The following MACF1 variants were observed in gnomAD, a reference collection of about 807,000 sequenced individuals.
MACF1 encodes microtubule-actin cross-linking factor 1.
A neutral mutation model predicts 854.8 loss-of-function variants in MACF1; 193 were observed. The ratio of observed to expected loss-of-function variants is 0.23; its 90% CI spans 0.20 to 0.25. The LOEUF (loss-of-function observed/expected upper bound fraction) is 0.25. Ranked by LOEUF, MACF1 falls within the 10% of genes least tolerant of loss-of-function variation. The pLI, the probability that MACF1 is intolerant of heterozygous loss-of-function variation, is 1.00. For missense variants in MACF1, 7,722 were observed against 8,929.1 expected (o/e 0.86, Z 5.45); for synonymous variants, 3,185 against 3,226.7 (o/e 0.99, Z 0.44).
intron 2 of MACF1, among the ~76,000 whole-genome samples, chr1:39,185,306 CAA>C (rs1644153838): frequency 1.5e-5 from 2 of 136,630 alleles, no homozygotes; most frequent in African/African-American, 5.6e-5. Context: ...AAAAAAAAAA[CAA>C]AAAAGGAAAA....
chr1:39,334,109 C>T lies in MACF1; in HGVS notation c.7521C>T (p.Ile2507=). The T allele has an allele frequency of 1.2e-6, 2 of 1,614,126 alleles. No homozygotes were observed. The highest frequency in any genetic ancestry group is 1.1e-5 in the South Asian group (1 of 91,074). Residue 2507 remains isoleucine (I), a synonymous_variant, in exon 37 of 101, where the codon ATC becomes ATT. Coordinates refer to ENST00000564288, the MANE Select transcript of MACF1 (RefSeq NM_001394062.1). ...CTAAGCAAGTGGTAGATGGAGGTAT[C>T]ATTCACCATATATCTGGGATGAGAC... ...LLTKQVVDGG[I]IHHISGMRLS... is the part of the protein sequence containing the mutation.
Position 39,335,447 on chromosome 1 carries a change from G to A in MACF1, c.8859G>A (p.Thr2953=), listed in dbSNP as rs774952232. The A allele has an allele frequency of 1.3e-5, 21 of 1,614,066 alleles. No homozygotes were observed. The African/African-American group carries it at 1.5e-4, about 11-fold the overall frequency. Residue 2953 remains threonine, a synonymous_variant, in exon 37 of 101, where the codon ACG becomes ACA. Coordinates refer to ENST00000564288, the MANE Select transcript of MACF1 (RefSeq NM_001394062.1). The part of the protein sequence containing the change: ...ILEVQETYCE[T]SGKLPSEQVL... ...AAGTACAAGAAACATATTGTGAAAC[G>A]TCAGGCAAATTGCCGAGTGAGCAGG...
chr1:39,403,490 C>T (rs1374831974), intron 58 of MACF1, among the ~76,000 whole-genome samples: 1 of 152,076 alleles, frequency 6.6e-6, no homozygotes, highest in Admixed American at 6.5e-5. Context: ...ATTTCACATA[C>T]AGAATGCTCT....
At chr1:39,149,739 A>G (rs979903928) in intron 2 of MACF1, among the ~76,000 whole-genome samples, 4 of 151,470 alleles carry the variant, frequency 2.6e-5, no homozygotes, top group African/African-American at 7.3e-5. Flanking sequence ...CCAGCCCGAT[A>G]TTTAAAGTCC....
At chr1:39,090,376 A>G (rs1641773367) in intron 2 of MACF1, among the ~76,000 whole-genome samples, 1 of 152,174 alleles carries the variant, frequency 6.6e-6, no homozygotes, top group Admixed American at 6.5e-5. Flanking sequence ...TTGTAGCTAC[A>G]CACCACCAGC....
chr1:39,393,846 G>GGAGA (rs10652572), intron 58 of MACF1, among the ~76,000 whole-genome samples: 7,882 of 140,724 alleles, frequency 0.056, 558 homozygotes, highest in African/African-American at 0.17. Flanking sequence ...AGGGAGGGAG[G>GGAGA]GAGAGAGAGA....
chr1:39,232,697 C>G (rs1401494803), intron 2 of MACF1, among the ~76,000 whole-genome samples: 1 of 150,012 alleles, frequency 6.7e-6, no homozygotes. Context: ...TGCAGCTGGG[C>G]TTTATGAAAA....
intron 1 of MACF1, among the ~76,000 whole-genome samples, chr1:39,214,200 G>A (rs548608789): frequency 1.3e-5 from 2 of 152,244 alleles, no homozygotes; most frequent in South Asian, 4.1e-4. Flanking sequence ...TATCTGCAGC[G>A]GGGCCTTTTT....
At chr1:39,458,284 A>C (rs1393497290) in intron 89 of MACF1, 86 bp from the exon 90 acceptor site, 9 of 1,368,992 alleles carry the variant, frequency 6.6e-6, no homozygotes, top group Non-Finnish European at 9.0e-6. Context: ...CACAGGCCGT[A>C]AAGTACCCAT....
intron 6 of MACF1, among the ~76,000 whole-genome samples, chr1:39,263,771 C>CTTTTTTTTTTTTT (rs11453750): frequency 1.3e-4 from 13 of 100,168 alleles, no homozygotes; most frequent in South Asian, 3.4e-4. Context: ...TTTCTTTTTT[C>CTTTTTTTTTTTTT]TTTTTTTTTT....
In MACF1 at chr1:39,486,078, AAAAAGCCTATT is replaced by A; in HGVS notation, c.*287_*297del. 3.8e-6 allele frequency: 1 copy of A among 260,908 alleles called. No homozygotes were observed. Among genetic ancestry groups the A allele is most frequent in the Non-Finnish European group, 7.1e-6 (1 of 140,806 alleles). 16.2% of individuals were successfully genotyped at this position (260,908 alleles called of 1,614,324 possible). ...AAGATACAAATGTGTATTAAAAAAA[AAAAAGCCTATT>A]AATAGGGTTTCTGCGCGGTGCAGGG... On this transcript the variant is annotated 3_prime_UTR_variant, in exon 101 of 101. Transcript: ENST00000564288.
chr1:39,413,806 G>A, intron 58 of MACF1: 1 of 1,612,108 alleles, frequency 6.2e-7, no homozygotes, highest in Non-Finnish European at 8.5e-7. Context: ...CACCCCAGCA[G>A]AATCTGCCTC....
intron 40 of MACF1, among the ~76,000 whole-genome samples, chr1:39,346,521 CT>C (rs527394465): frequency 0.057 from 7,915 of 137,844 alleles, 249 homozygotes; most frequent in African/African-American, 0.099. Flanking sequence ...GTGAGAGAGA[CT>C]TTTTTTTTTT....
At chr1:39,312,560 C>T (rs1646322181) in intron 26 of MACF1, among the ~76,000 whole-genome samples, 1 of 152,042 alleles carries the variant, frequency 6.6e-6, no homozygotes, top group Non-Finnish European at 1.5e-5. Context: ...TGTGGTGGCT[C>T]ACGTCTGTAA....
chr1:39,433,125 A>C lies in MACF1; in HGVS notation c.17535A>C (p.Thr5845=). 1 of 1,611,296 alleles carries C rather than the reference A, an allele frequency of 6.2e-7. No individual in the cohort carries two copies. Among genetic ancestry groups the C allele is most frequent in the Non-Finnish European group, 8.5e-7 (1 of 1,178,312 alleles). The part of the protein sequence containing the change: ...LFSHRSEIFG[T]CGEEQKTVLQ... The stretch of plus-strand genomic sequence containing the variant: ...GTCACCGTAGTGAAATCTTTGGCAC[A>C]TGTGGGGAGGAGCAAAAAACTGTAT... Residue 5845 remains threonine (T), a synonymous_variant, in exon 68 of 101, where the codon ACA becomes ACC. Transcript: ENST00000564288.
intron 51 of MACF1, 68 bp downstream of exon 51, chr1:39,370,254 C>A: frequency 7.3e-7 from 1 of 1,372,466 alleles, no homozygotes; most frequent in South Asian, 1.5e-5. Flanking sequence ...TAACTGGTCT[C>A]CAGCTGTGGT....
chr1:39,424,134 C>G lies in MACF1; in HGVS notation c.16256C>G (p.Thr5419Ser), dbSNP rs1643648559. The change falls in exon 61 of 101, where the codon ACT becomes AGT. Residue 5419 changes from threonine (T) to serine (S), a missense_variant. Transcript: ENST00000564288. Reference sequence around the variant, plus strand: ...GAGCTGGCTGATAGAGAGAAAATCACTGGACAGCTGGAGAGTCTTGAAAGT... The same window carrying G: ...GAGCTGGCTGATAGAGAGAAAATCAGTGGACAGCTGGAGAGTCTTGAAAGT... ...SAELADREKI[T>S]GQLESLESRW... 6.2e-7 allele frequency: 1 copy of G among 1,613,202 alleles called. No individual in the cohort carries two copies. Among genetic ancestry groups the G allele is most frequent in the African/African-American group, 1.3e-5 (1 of 74,636 alleles).
intron 2 of MACF1, among the ~76,000 whole-genome samples, chr1:39,157,107 C>T (rs1319158318): frequency 6.6e-6 from 1 of 151,962 alleles, no homozygotes; most frequent in African/African-American, 2.4e-5. Context: ...GTAGCCAGGA[C>T]TACAGTCATG....
At position 39,378,478 on chromosome 1, in the gene MACF1, G is replaced by C; in HGVS notation, c.13231G>C (p.Val4411Leu). The C allele has an allele frequency of 6.2e-7, 1 of 1,614,040 alleles. No individual in the cohort carries two copies. The highest frequency in any genetic ancestry group is 8.5e-7 in the Non-Finnish European group (1 of 1,179,888). The part of the protein sequence containing the change: ...QGKTGSILPS[V>L]GSSVGSVNGY... Reference sequence around the variant, plus strand: ...CTGCTCAGGTTCCATACTGCCCTCTGTAGGAAGCTCTGTAGGCAGTGTAAA... The same window carrying C: ...CTGCTCAGGTTCCATACTGCCCTCTCTAGGAAGCTCTGTAGGCAGTGTAAA... The change falls in exon 53 of 101, where the codon GTA (valine) becomes CTA (leucine). Residue 4411 changes from valine (V) to leucine (L), a missense_variant. Coordinates refer to ENST00000564288, the MANE Select transcript of MACF1 (RefSeq NM_001394062.1).
Sources: allele counts gnomAD v4.1 joint callset (sites outside exome capture counted in the v4.1 genomes callset), GRCh38; gene constraint gnomAD v4.1.1; transcripts MANE v1.5; gene names NCBI Gene and HGNC (gene_info 2026-07-23, HGNC 2026-07-21).